The following LINGO2 variants were observed in gnomAD, a reference collection of about 807,000 sequenced individuals.
LINGO2 encodes the protein leucine-rich repeat and immunoglobulin-like domain-containing nogo receptor-interacting protein 2.
LINGO2 carries 14 observed loss-of-function variants against 30.6 expected under a neutral mutation model. The ratio of observed to expected loss-of-function variants is 0.46; its 90% CI spans 0.30 to 0.72. LINGO2 has a LOEUF of 0.72. LINGO2 is among the 30% of genes least tolerant of loss of function. The pLI, the probability that LINGO2 is intolerant of heterozygous loss-of-function variation, is 0.07. For synonymous variants in LINGO2, 317 were observed against 288.5 expected (o/e 1.10, Z -1.00); for missense variants, 729 against 751.7 (o/e 0.97, Z 0.35).
At chr9:28,873,033 C>A in the LINGO2 span, among the ~76,000 whole-genome samples, 1 of 152,154 alleles carries the variant, frequency 6.6e-6, no homozygotes, top group East Asian at 1.9e-4. Context: ...ATTAGATAAT[C>A]TTTTGTTTAC....
At chr9:27,998,070 T>A (rs1184221049) in intron 5 of LINGO2, among the ~76,000 whole-genome samples, 1 of 152,218 alleles carries the variant, frequency 6.6e-6, no homozygotes, top group Non-Finnish European at 1.5e-5. Context: ...GTCTCCAAGA[T>A]AACGGCCATC....
the LINGO2 span, among the ~76,000 whole-genome samples, chr9:28,824,356 G>A: frequency 2.0e-5 from 3 of 152,114 alleles, no homozygotes. Context: ...CCAATTAGTA[G>A]GCACATGATT....
chr9:28,776,713 G>T, the LINGO2 span, among the ~76,000 whole-genome samples: 8 of 152,180 alleles, frequency 5.3e-5, no homozygotes, highest in East Asian at 1.2e-3. Flanking sequence ...CCTTTTCAAA[G>T]GTTATTGTAA....
the LINGO2 span, among the ~76,000 whole-genome samples, chr9:28,985,723 C>T: frequency 2.0e-5 from 3 of 152,034 alleles, no homozygotes; most frequent in Admixed American, 6.6e-5. Context: ...GTTATTTTCT[C>T]GCTATTGAAT....
the LINGO2 span, among the ~76,000 whole-genome samples, chr9:29,196,716 G>T: frequency 2.0e-5 from 3 of 152,080 alleles, no homozygotes; most frequent in South Asian, 6.2e-4. Context: ...CAATGCAAAA[G>T]CTATGAACAT....
chr9:28,634,283 T>C (rs575798015), intron 1 of LINGO2, among the ~76,000 whole-genome samples: 3 of 152,088 alleles, frequency 2.0e-5, no homozygotes, highest in Non-Finnish European at 2.9e-5. Context: ...ACTGAGGGAA[T>C]GTTGTGTAAC....
chr9:28,390,249 A>C (rs1423468417), intron 2 of LINGO2, among the ~76,000 whole-genome samples: 1 of 152,228 alleles, frequency 6.6e-6, no homozygotes, highest in Admixed American at 6.5e-5. Flanking sequence ...GTTCGCATCC[A>C]GCAGATGACT....
chr9:28,590,445 A>C (rs1003581035), intron 1 of LINGO2, among the ~76,000 whole-genome samples: 11 of 152,202 alleles, frequency 7.2e-5, no homozygotes, highest in Non-Finnish European at 8.8e-5. Context: ...CAATGAACTC[A>C]AACAAATTTA....
At chr9:28,565,745 G>A (rs1378950137) in intron 1 of LINGO2, among the ~76,000 whole-genome samples, 7 of 151,116 alleles carry the variant, frequency 4.6e-5, no homozygotes, top group African/African-American at 1.7e-4. Flanking sequence ...TAGTAGAGAC[G>A]GGGTTTCACC....
At chr9:28,441,999 T>A (rs1190400018) in intron 2 of LINGO2, among the ~76,000 whole-genome samples, 2 of 152,184 alleles carry the variant, frequency 1.3e-5, no homozygotes, top group Non-Finnish European at 2.9e-5. Flanking sequence ...TTTATTATTA[T>A]ATTTTAGAAA....
At chr9:29,203,802 C>T in the LINGO2 span, among the ~76,000 whole-genome samples, 1 of 152,194 alleles carries the variant, frequency 6.6e-6, no homozygotes, top group South Asian at 2.1e-4. Flanking sequence ...ATTTCTTGTG[C>T]AACATAGCTT....
chr9:28,700,551 G>A, the LINGO2 span, among the ~76,000 whole-genome samples: 2 of 151,940 alleles, frequency 1.3e-5, no homozygotes, highest in African/African-American at 4.8e-5. Flanking sequence ...GACATTTTGG[G>A]TGCTTCCAAG....
At chr9:28,723,841 G>T in the LINGO2 span, among the ~76,000 whole-genome samples, 1 of 152,026 alleles carries the variant, frequency 6.6e-6, no homozygotes, top group Non-Finnish European at 1.5e-5. Flanking sequence ...TAAAAAAACT[G>T]ACTTTGGGGC....
At chr9:29,084,117 T>C in the LINGO2 span, among the ~76,000 whole-genome samples, 1 of 152,084 alleles carries the variant, frequency 6.6e-6, no homozygotes, top group African/African-American at 2.4e-5. Context: ...ACTCTATATA[T>C]TTCTGGTATA....
At chr9:28,467,301 A>G (rs1188537732) in intron 2 of LINGO2, among the ~76,000 whole-genome samples, 1 of 152,076 alleles carries the variant, frequency 6.6e-6, no homozygotes, top group Non-Finnish European at 1.5e-5. Flanking sequence ...TGCTGGGATT[A>G]CAGGTGTGAG....
At position 28,147,519 on chromosome 9, in the gene LINGO2, G is replaced by A. The variant is rs1827846905; in HGVS notation, c.-86-135114C>T. On this transcript the variant is annotated intron_variant, in intron 4 of 5. Coordinates refer to ENST00000379992, the Ensembl canonical transcript of LINGO2. The surrounding 1 kb of genome is among the most constrained non-coding windows in gnomAD (Gnocchi z 4.7). Reference sequence around the variant, plus strand: ...CAGGCAGCACAGAGGCACTGGAGAGGCCCCGGGGGAGCCTGGCGGGATCTG... The same window carrying A: ...CAGGCAGCACAGAGGCACTGGAGAGACCCCGGGGGAGCCTGGCGGGATCTG... Among the ~76,000 whole-genome samples, 1 of 152,176 alleles carries A rather than the reference G, an allele frequency of 6.6e-6. No individual in the cohort carries two copies. The highest frequency in any genetic ancestry group is 2.4e-5 in the African/African-American group (1 of 41,446).
chr9:28,989,540 T>A, the LINGO2 span, among the ~76,000 whole-genome samples: 24 of 152,312 alleles, frequency 1.6e-4, no homozygotes, highest in African/African-American at 5.5e-4. Flanking sequence ...GATATTCCAC[T>A]AATTCACTAT....
the LINGO2 span, among the ~76,000 whole-genome samples, chr9:28,971,780 C>A: frequency 1.3e-5 from 2 of 152,222 alleles, no homozygotes; most frequent in Non-Finnish European, 2.9e-5. Flanking sequence ...AGTTGTAGAG[C>A]TCCAGGACCT....
the LINGO2 span, among the ~76,000 whole-genome samples, chr9:29,157,934 TA>T: frequency 3.0e-3 from 461 of 152,178 alleles, 3 homozygotes; most frequent in African/African-American, 0.011. Context: ...AGAATGTGTA[TA>T]AAAAAATATA....
Sources: allele counts gnomAD v4.1 joint callset (sites outside exome capture counted in the v4.1 genomes callset), GRCh38; gene constraint gnomAD v4.1.1; non-coding constraint Gnocchi (gnomAD v3.1); transcripts MANE v1.5; gene names NCBI Gene and HGNC (gene_info 2026-07-23, HGNC 2026-07-21).